NPTN: variants seen among roughly 807,000 people sequenced by gnomAD.
NPTN encodes the protein SDR-1.
NPTN carries 5 observed loss-of-function variants against 42.7 expected under a neutral mutation model. That is an observed-to-expected ratio of 0.12 (90% CI 0.06 to 0.25). The LOEUF is 0.25. Among genes scored for constraint, NPTN ranks in the 10% least tolerant of loss-of-function variants. The pLI is 1.00. For missense variants in NPTN, 307 were observed against 525.4 expected (o/e 0.58, Z 4.06); for synonymous variants, 180 against 201.9 (o/e 0.89, Z 0.92).
intron 1 of NPTN, among the ~76,000 whole-genome samples, chr15:73,606,383 C>T (rs1897296432): frequency 6.6e-6 from 1 of 152,112 alleles, no homozygotes; most frequent in South Asian, 2.1e-4. Flanking sequence ...AATTCACTTC[C>T]CAACTTCACA....
intron 1 of NPTN, chr15:73,632,703 T>A (rs942360892): frequency 9.0e-5 from 15 of 166,204 alleles, no homozygotes; most frequent in Non-Finnish European, 1.7e-4. Flanking sequence ...CGACCCCAGC[T>A]CCCGGGGGGC....
chr15:73,570,860 AG>A lies in NPTN; in HGVS notation c.841-438del, dbSNP rs1183973147. On this transcript the variant is annotated intron_variant, in intron 5 of 8. Transcript: ENST00000345330. This position sits in a 1 kb window ranked among gnomAD's most constrained non-coding sequence, Gnocchi z 4.0. ...CTGACTTCACACTTGGTGAGTTCTG[AG>A]GAAGTCTCCTTAAACTTCCTCCACA... Among the ~76,000 whole-genome samples, 1 of 152,208 alleles carries A rather than the reference AG, an allele frequency of 6.6e-6. No homozygotes were observed. Among genetic ancestry groups the A allele is most frequent in the Non-Finnish European group, 1.5e-5 (1 of 68,032 alleles).
intron 3 of NPTN, among the ~76,000 whole-genome samples, chr15:73,588,966 A>T (rs950531712): frequency 2.0e-5 from 3 of 152,184 alleles, no homozygotes; most frequent in Non-Finnish European, 2.9e-5. Context: ...TTACTGAGTG[A>T]ACACAAACAC....
chr15:73,584,882 G>A (rs899123851), intron 4 of NPTN, among the ~76,000 whole-genome samples: 1 of 152,060 alleles, frequency 6.6e-6, no homozygotes, highest in Admixed American at 6.5e-5. Context: ...TGATCTACAG[G>A]CTTTGGTTAA....
intron 1 of NPTN, among the ~76,000 whole-genome samples, chr15:73,623,774 C>T (rs1898254361): frequency 6.6e-6 from 1 of 152,164 alleles, no homozygotes; most frequent in Admixed American, 6.5e-5. Context: ...TCTCATTGAG[C>T]TTCTAAACAA....
chr15:73,560,265 A>G lies in NPTN; in HGVS notation c.*798T>C, dbSNP rs2141342329. On this transcript the variant is annotated 3_prime_UTR_variant, in exon 9 of 9. Transcript: ENST00000345330. Reference sequence around the variant, plus strand: ...AACATTTCAAGGTCATTGGAAACAAAAGAAAAATTATAAAAGTTTGCCTTG... The same window carrying G: ...AACATTTCAAGGTCATTGGAAACAAGAGAAAAATTATAAAAGTTTGCCTTG... The G allele has an allele frequency of 6.0e-6, 1 of 165,366 alleles. No homozygotes were observed. The highest frequency in any genetic ancestry group is 1.3e-5 in the Non-Finnish European group (1 of 76,876). The allele number at this position is 165,366 out of a possible 1,614,324, so 10.2% of individuals were successfully genotyped here.
chr15:73,565,850 T>A, intron 6 of NPTN: 14 of 454,846 alleles, frequency 3.1e-5, no homozygotes, highest in South Asian at 2.2e-4. Context: ...ACTCCCCCTA[T>A]ATCCGCCTCA....
In NPTN at chr15:73,570,432, A is replaced by T. The variant is rs1196817440; in HGVS notation, c.841-9T>A. On this transcript the variant is annotated splice_polypyrimidine_tract_variant and intron_variant, in intron 5 of 8. Coordinates refer to ENST00000345330, the MANE Select transcript of NPTN (RefSeq NM_012428.4). This position sits in a 1 kb window ranked among gnomAD's most constrained non-coding sequence, Gnocchi z 4.0. ...GAGGTATTGACAATGTCCTGCAAAA[A>T]AGTGAGAATACACAAAGGTGAGAGT... is the stretch of plus-strand genomic sequence containing the variant. The T allele has an allele frequency of 6.2e-7, 1 of 1,607,432 alleles. No individual in the cohort carries two copies. Among genetic ancestry groups the T allele is most frequent in the Non-Finnish European group, 8.5e-7 (1 of 1,176,144 alleles).
chr15:73,611,132 GAC>G (rs1484931104), intron 1 of NPTN, among the ~76,000 whole-genome samples: 1 of 152,166 alleles, frequency 6.6e-6, no homozygotes, highest in East Asian at 1.9e-4. Flanking sequence ...TATTTGGTAT[GAC>G]ACAGTTTATG....
intron 5 of NPTN, among the ~76,000 whole-genome samples, chr15:73,572,937 A>G (rs1193612572): frequency 6.6e-6 from 1 of 151,964 alleles, no homozygotes; most frequent in African/African-American, 2.4e-5. Flanking sequence ...CTGACAGTGA[A>G]TTCTCATGAG....
rs1336031023 is a variant in NPTN, at chr15:73,570,211, G to A, written c.1053C>T (p.Ile351=). The change falls in exon 6 of 9, where the codon ATC becomes ATT. Residue 351 remains isoleucine, a synonymous_variant. Coordinates refer to ENST00000345330, the MANE Select transcript of NPTN (RefSeq NM_012428.4). This position sits in a 1 kb window ranked among gnomAD's most constrained non-coding sequence, Gnocchi z 4.0. ...ACACAACAATGATCACCACAAGGAT[G>A]ATAATTTCAGCCAGAATTCCCAAGA... ...WPFLGILAEI[I]ILVVIIVVYE... 1.2e-6 allele frequency: 2 copies of A among 1,614,010 alleles called. No individual in the cohort carries two copies. Among genetic ancestry groups the A allele is most frequent in the South Asian group, 1.1e-5 (1 of 91,078 alleles).
intron 6 of NPTN, chr15:73,568,323 C>T (rs1275812005): frequency 1.0e-6 from 1 of 985,476 alleles, no homozygotes; most frequent in Non-Finnish European, 1.2e-6. Flanking sequence ...ATTTAAAAAT[C>T]AGGTTCTGAA....
chr15:73,563,672 A>G lies in NPTN; in HGVS notation c.1115-415T>C, dbSNP rs1376902290. 6 of 489,684 alleles carry G rather than the reference A, an allele frequency of 1.2e-5. No individual in the cohort carries two copies. The South Asian group carries it at 2.6e-4, about 21-fold the overall frequency. 30.3% of individuals were successfully genotyped at this position (489,684 alleles called of 1,614,324 possible). ...GGTGAATGCATGCAGTTTTGGCTCAATCCTGCAATGTGAATGGATGTGTAC... is the reference window on the plus strand; with the variant it reads ...GGTGAATGCATGCAGTTTTGGCTCAGTCCTGCAATGTGAATGGATGTGTAC... On this transcript the variant is annotated intron_variant, in intron 6 of 8. Coordinates refer to ENST00000345330, the MANE Select transcript of NPTN (RefSeq NM_012428.4).
At chr15:73,593,346 T>C (rs1233447835) in intron 2 of NPTN, among the ~76,000 whole-genome samples, 2 of 152,194 alleles carry the variant, frequency 1.3e-5, no homozygotes, top group East Asian at 3.8e-4. Flanking sequence ...GATCAAACAT[T>C]TCCAGGTGAA....
chr15:73,564,770 C>T (rs1894883877), intron 6 of NPTN, among the ~76,000 whole-genome samples: 1 of 152,182 alleles, frequency 6.6e-6, no homozygotes, highest in African/African-American at 2.4e-5. Context: ...ATGCTAGGAA[C>T]TAAGCACTTT....
chr15:73,597,517 A>G lies in NPTN; in HGVS notation c.92-148T>C. ...AAAAGGATTCATTTTTAAACTATAA[A>G]GAGACAGTACAGCAATTCATACAAG... is the stretch of plus-strand genomic sequence containing the variant. On this transcript the variant is annotated intron_variant, in intron 1 of 8. Transcript: ENST00000345330. The surrounding 1 kb of genome is among the most constrained non-coding windows in gnomAD (Gnocchi z 6.3). The G allele has an allele frequency of 1.5e-6, 1 of 661,346 alleles. No homozygotes were observed. The highest frequency in any genetic ancestry group is 2.9e-5 in the Admixed American group (1 of 34,064). 41.0% of individuals were successfully genotyped at this position (661,346 alleles called of 1,614,324 possible). A position where few individuals can be genotyped will look rare whatever the true frequency, so the allele number is the denominator to read the frequency against.
At position 73,560,082 on chromosome 15, in the gene NPTN, TAATTACACAAA is replaced by T; in HGVS notation, c.*970_*980del. The stretch of plus-strand genomic sequence containing the variant: ...TTTTTTATACATCATTGCACTTCAA[TAATTACACAAA>T]ACACACAAGTACATGCATCTACAAT... On this transcript the variant is annotated 3_prime_UTR_variant, in exon 9 of 9. Coordinates refer to ENST00000345330, the MANE Select transcript of NPTN (RefSeq NM_012428.4). The T allele has an allele frequency of 1.8e-6, 1 of 565,272 alleles. No individual in the cohort carries two copies. The allele number at this position is 565,272 out of a possible 1,614,324, so 35.0% of individuals were successfully genotyped here. A position where few individuals can be genotyped will look rare whatever the true frequency, so the allele number is the denominator to read the frequency against.
At chr15:73,601,944 GA>G (rs998676310) in intron 1 of NPTN, among the ~76,000 whole-genome samples, 5 of 152,186 alleles carry the variant, frequency 3.3e-5, no homozygotes, top group African/African-American at 1.2e-4. Context: ...TGGGGGATGG[GA>G]GGCAAAGATG....
At position 73,563,910 on chromosome 15, in the gene NPTN, C is replaced by G. The variant is rs1023401382; in HGVS notation, c.1115-653G>C. On this transcript the variant is annotated intron_variant, in intron 6 of 8. Coordinates refer to ENST00000345330, the MANE Select transcript of NPTN (RefSeq NM_012428.4). ...ATGTTCTGTGACACACCGAGGAAAG[C>G]TGAACAGTGGTGACATCCCTCTAGA... is the stretch of plus-strand genomic sequence containing the variant. Among the ~76,000 whole-genome samples the G allele has an allele frequency of 3.3e-5, 5 of 152,308 alleles. No homozygotes were observed. The East Asian group carries it at 9.6e-4, about 29-fold the overall frequency.
Sources: allele counts gnomAD v4.1 joint callset (sites outside exome capture counted in the v4.1 genomes callset), GRCh38; gene constraint gnomAD v4.1.1; non-coding constraint Gnocchi (gnomAD v3.1); transcripts MANE v1.5; gene names NCBI Gene and HGNC (gene_info 2026-07-23, HGNC 2026-07-21).